The following DPP6 variants were observed in gnomAD, a reference collection of about 807,000 sequenced individuals.
The protein encoded by DPP6 is dipeptidyl peptidase like 6.
Under a neutral mutation model 122.6 loss-of-function variants are expected in DPP6, and 69 were observed. The ratio of observed to expected loss-of-function variants is 0.56; its 90% CI spans 0.46 to 0.69. The LOEUF (loss-of-function observed/expected upper bound fraction) is 0.69, where lower values mean the gene tolerates loss of function less well. Ranked by LOEUF, DPP6 falls within the 30% of genes least tolerant of loss-of-function variation. The pLI is 0.00. For missense variants in DPP6, 928 were observed against 1,116.9 expected (o/e 0.83, Z 2.41); for synonymous variants, 418 against 433.1 (o/e 0.97, Z 0.43).
At chr7:154,583,668 C>T (rs35720916) in intron 5 of DPP6, among the ~76,000 whole-genome samples, 5,361 of 152,064 alleles carry the variant, frequency 0.035, 316 homozygotes, top group African/African-American at 0.12. Flanking sequence ...AGTCAGAAGC[C>T]TCGCGTGGAG....
chr7:153,798,908 G>C, the DPP6 span, among the ~76,000 whole-genome samples: 719 of 152,224 alleles, frequency 4.7e-3, 3 homozygotes, highest in African/African-American at 0.016. Context: ...TCCCTTACAC[G>C]GGTAGTTCAC....
At chr7:154,379,775 A>G (rs1405929791) in intron 1 of DPP6, among the ~76,000 whole-genome samples, 1 of 152,238 alleles carries the variant, frequency 6.6e-6, no homozygotes. Context: ...ACATGAAAAT[A>G]TTACCTGTCT....
chr7:154,869,416 C>T (rs1381324865), intron 18 of DPP6, among the ~76,000 whole-genome samples: 1 of 152,264 alleles, frequency 6.6e-6, no homozygotes, highest in Non-Finnish European at 1.5e-5. Context: ...CACGAGAATT[C>T]AGAGAAGAGC....
chr7:153,944,224 G>A (rs1051382061), intron 1 of DPP6, among the ~76,000 whole-genome samples: 1 of 152,218 alleles, frequency 6.6e-6, no homozygotes, highest in South Asian at 2.1e-4. Context: ...GTGTGCTCCG[G>A]CCCACCCTCA....
intron 1 of DPP6, among the ~76,000 whole-genome samples, chr7:154,209,107 G>A (rs897740574): frequency 2.0e-5 from 3 of 152,162 alleles, no homozygotes; most frequent in African/African-American, 7.2e-5. Context: ...ATGAGGATCT[G>A]GATGGAGAGT....
At chr7:154,507,260 GTT>G (rs930013187) in intron 3 of DPP6, among the ~76,000 whole-genome samples, 5 of 149,888 alleles carry the variant, frequency 3.3e-5, no homozygotes, top group Non-Finnish European at 7.4e-5. Flanking sequence ...CAAATAAAGA[GTT>G]TTAAGAAACC....
intron 3 of DPP6, among the ~76,000 whole-genome samples, chr7:154,508,693 C>A (rs528949130): frequency 1.3e-5 from 2 of 152,086 alleles, no homozygotes; most frequent in Non-Finnish European, 2.9e-5. Flanking sequence ...CCCCAACTAA[C>A]CTCAGAGGAA....
intron 7 of DPP6, among the ~76,000 whole-genome samples, chr7:154,684,703 A>G (rs1050038176): frequency 3.9e-5 from 6 of 152,182 alleles, no homozygotes; most frequent in Non-Finnish European, 8.8e-5. Context: ...TACCCTTCAG[A>G]TAAAAAGGTT....
Position 154,887,748 on chromosome 7 carries a change from C to A in DPP6, c.2304+14C>A. 6.2e-7 allele frequency: 1 copy of A among 1,613,420 alleles called. No homozygotes were observed. Among genetic ancestry groups the A allele is most frequent in the Non-Finnish European group, 8.5e-7 (1 of 1,179,410 alleles). ...AGAGCATACGAGGTGTGTATGGGCA[C>A]AACTAGAGAATGTGATGAGACCAGT... On this transcript the variant is annotated intron_variant, in intron 23 of 25. Transcript: ENST00000377770.
At chr7:153,848,159 G>T in the DPP6 span, among the ~76,000 whole-genome samples, 88 of 152,270 alleles carry the variant, frequency 5.8e-4, no homozygotes, top group Non-Finnish European at 9.7e-4. Context: ...TGACAAGCTA[G>T]CGCTGAGGGC....
intron 3 of DPP6, among the ~76,000 whole-genome samples, chr7:154,531,971 A>G (rs1827871657): frequency 6.6e-6 from 1 of 152,164 alleles, no homozygotes; most frequent in African/African-American, 2.4e-5. Context: ...ATGAAAGCCA[A>G]ATAATGAGAG....
At chr7:154,696,820 C>G (rs968389984) in intron 7 of DPP6, among the ~76,000 whole-genome samples, 1 of 152,178 alleles carries the variant, frequency 6.6e-6, no homozygotes, top group African/African-American at 2.4e-5. Flanking sequence ...AGCCAAAGGC[C>G]GATTATGGAG....
the DPP6 span, among the ~76,000 whole-genome samples, chr7:153,753,081 T>C: frequency 3.6e-3 from 552 of 152,216 alleles, 4 homozygotes; most frequent in African/African-American, 0.013. Context: ...TCTAAAATTC[T>C]TCGCTCTATC....
intron 1 of DPP6, among the ~76,000 whole-genome samples, chr7:153,935,374 C>T (rs4726350): frequency 0.56 from 85,157 of 151,626 alleles, 24,269 homozygotes; most frequent in African/African-American, 0.65. Context: ...GGAAAGTAGA[C>T]AACTTCTCAT....
At chr7:153,879,416 G>A in the DPP6 span, among the ~76,000 whole-genome samples, 1 of 152,072 alleles carries the variant, frequency 6.6e-6, no homozygotes, top group Non-Finnish European at 1.5e-5. Flanking sequence ...TTGAGATGGA[G>A]TCTCGCTGTG....
chr7:153,802,290 G>T, the DPP6 span, among the ~76,000 whole-genome samples: 1 of 152,152 alleles, frequency 6.6e-6, no homozygotes, highest in African/African-American at 2.4e-5. Flanking sequence ...GAGGTGAAAA[G>T]AAATAATAGC....
intron 1 of DPP6, among the ~76,000 whole-genome samples, chr7:154,090,697 G>C (rs1585353421): frequency 6.6e-6 from 1 of 151,106 alleles, no homozygotes; most frequent in Middle Eastern, 3.4e-3. Flanking sequence ...GGGCACCAGG[G>C]ACCCCAGGTG....
chr7:154,756,089 C>G (rs1414543610), intron 8 of DPP6, among the ~76,000 whole-genome samples: 1 of 152,194 alleles, frequency 6.6e-6, no homozygotes, highest in Non-Finnish European at 1.5e-5. Context: ...CTCCAACCCC[C>G]TAGGGAAGAG....
At chr7:154,384,498 A>G (rs1436711188) in intron 1 of DPP6, among the ~76,000 whole-genome samples, 1 of 152,116 alleles carries the variant, frequency 6.6e-6, no homozygotes, top group African/African-American at 2.4e-5. Flanking sequence ...GAAGAGGTGC[A>G]GGGTGGTGTC....
Sources: gnomAD v4.1 joint callset for allele counts (sites outside exome capture counted in the v4.1 genomes callset) on GRCh38, gnomAD v4.1.1 for gene constraint, MANE v1.5 for transcripts, NCBI Gene and HGNC (gene_info 2026-07-23, HGNC 2026-07-21) for gene names.